VAV3: variants seen among roughly 807,000 people sequenced by gnomAD.
The protein encoded by VAV3 is guanine nucleotide exchange factor VAV3.
VAV3 carries 94 observed loss-of-function variants against 131.2 expected under a neutral mutation model. The ratio of observed to expected loss-of-function variants is 0.72; its 90% CI spans 0.61 to 0.85. The LOEUF is 0.85. VAV3 is among the 40% of genes least tolerant of loss of function. VAV3 has a pLI of 0.00. For synonymous variants in VAV3, 349 were observed against 342.0 expected (o/e 1.02, Z -0.22); for missense variants, 939 against 1,002.7 (o/e 0.94, Z 0.86).
intron 15 of VAV3, among the ~76,000 whole-genome samples, chr1:107,746,882 CTTT>C (rs11313509): frequency 2.1e-5 from 3 of 145,398 alleles, no homozygotes; most frequent in Admixed American, 1.4e-4. Flanking sequence ...TGTCAAATCT[CTTT>C]TTTTTTTTTT....
In VAV3 at chr1:107,772,735, G is replaced by A. The variant is rs150482374; in HGVS notation, c.555C>T (p.Pro185=). 309 of 1,610,146 alleles carry A rather than the reference G, an allele frequency of 1.9e-4. 2 individuals are homozygous for A. The highest frequency in any genetic ancestry group is 2.4e-4 in the Non-Finnish European group (278 of 1,177,554). ...CTTTAAAAACAAGTAAAAGTCCTAC[G>A]GGCTGATGTGCTTCCTCTGCCTTCA... The part of the protein sequence containing the change: ...DLMKAEEAHQ[P]KCPENDIRSC... The change falls in exon 5 of 27, where the codon CCC becomes CCT. Residue 185 remains proline (P), a splice_region_variant and synonymous_variant. Coordinates refer to ENST00000370056, the MANE Select transcript of VAV3 (RefSeq NM_006113.5).
At chr1:107,932,162 T>C (rs554145617) in intron 1 of VAV3, among the ~76,000 whole-genome samples, 72 of 152,338 alleles carry the variant, frequency 4.7e-4, no homozygotes, top group Admixed American at 7.2e-4. Flanking sequence ...CTTTATGTGC[T>C]GGTAATAATG....
At chr1:107,862,487 C>G (rs1669782745) in intron 2 of VAV3, among the ~76,000 whole-genome samples, 2 of 151,444 alleles carry the variant, frequency 1.3e-5, no homozygotes, top group Admixed American at 1.3e-4. Flanking sequence ...ATAGGAAATA[C>G]ACAGGCACAA....
chr1:107,867,344 T>A (rs1390027568), intron 2 of VAV3, among the ~76,000 whole-genome samples: 1 of 152,170 alleles, frequency 6.6e-6, no homozygotes, highest in Non-Finnish European at 1.5e-5. Flanking sequence ...AAAAAATGTG[T>A]TTGCATGGCT....
At chr1:107,877,488 G>T (rs1051220118) in intron 1 of VAV3, among the ~76,000 whole-genome samples, 2 of 152,000 alleles carry the variant, frequency 1.3e-5, no homozygotes, top group Non-Finnish European at 2.9e-5. Context: ...ATTCAGAAAA[G>T]CAAGTATTAT....
At chr1:107,595,027 GT>G (rs1053521876) in intron 25 of VAV3, among the ~76,000 whole-genome samples, 1 of 152,004 alleles carries the variant, frequency 6.6e-6, no homozygotes, top group Non-Finnish European at 1.5e-5. Context: ...TAGGAAAATT[GT>G]TTTTTTGGAG....
chr1:107,871,047 G>C (rs1248088468), intron 2 of VAV3, among the ~76,000 whole-genome samples: 1 of 152,160 alleles, frequency 6.6e-6, no homozygotes, highest in Non-Finnish European at 1.5e-5. Flanking sequence ...TTTCCAAAGA[G>C]TGAGTTAATC....
chr1:107,677,010 A>C (rs1658259592), intron 19 of VAV3, among the ~76,000 whole-genome samples: 1 of 152,192 alleles, frequency 6.6e-6, no homozygotes, highest in African/African-American at 2.4e-5. Flanking sequence ...AATGAGCCTC[A>C]AAGGAAAAAC....
intron 6 of VAV3, among the ~76,000 whole-genome samples, chr1:107,770,289 C>T (rs373941550): frequency 1.7e-4 from 26 of 152,258 alleles, no homozygotes; most frequent in African/African-American, 5.8e-4. Context: ...CCCTCCCCCC[C>T]CATCACTCTC....
intron 2 of VAV3, among the ~76,000 whole-genome samples, chr1:107,866,028 T>C (rs1317445547): frequency 6.6e-6 from 1 of 152,106 alleles, no homozygotes; most frequent in African/African-American, 2.4e-5. Flanking sequence ...GTGTGCTCAC[T>C]TCCCAAGGAT....
At chr1:107,584,954 TATC>T (rs1650366746) in intron 25 of VAV3, among the ~76,000 whole-genome samples, 1 of 152,226 alleles carries the variant, frequency 6.6e-6, no homozygotes, top group Non-Finnish European at 1.5e-5. Context: ...ACTGCTAAGA[TATC>T]ATAGGAGATA....
At chr1:107,929,287 CAAAAA>C (rs372843076) in intron 1 of VAV3, among the ~76,000 whole-genome samples, 84 of 92,516 alleles carry the variant, frequency 9.1e-4, no homozygotes, top group Non-Finnish European at 1.3e-3. Context: ...CACTCTGTCT[CAAAAA>C]AAAAAAAAAA....
intron 1 of VAV3, among the ~76,000 whole-genome samples, chr1:107,908,952 A>G (rs945730333): frequency 6.6e-6 from 1 of 152,136 alleles, no homozygotes; most frequent in African/African-American, 2.4e-5. Flanking sequence ...TACTTGCTAC[A>G]TAAGTACAAC....
At chr1:107,655,072 T>C (rs1355801005) in intron 19 of VAV3, among the ~76,000 whole-genome samples, 1 of 152,054 alleles carries the variant, frequency 6.6e-6, no homozygotes, top group East Asian at 1.9e-4. Flanking sequence ...GCCTCATTTC[T>C]CAACTAAAAC....
intron 24 of VAV3, among the ~76,000 whole-genome samples, chr1:107,598,428 G>T (rs1310328929): frequency 1.3e-5 from 2 of 152,070 alleles, no homozygotes; most frequent in African/African-American, 4.8e-5. Flanking sequence ...AATAGTTTTT[G>T]CTATGTGTTC....
intron 1 of VAV3, among the ~76,000 whole-genome samples, chr1:107,937,105 C>G (rs1460797386): frequency 6.6e-6 from 1 of 152,184 alleles, no homozygotes; most frequent in Non-Finnish European, 1.5e-5. Context: ...CCCAAAAAAA[C>G]AGCTCCATCA....
chr1:107,761,029 TA>T (rs780149965), intron 9 of VAV3, 150 bp from the exon 10 acceptor site: 1 of 508,542 alleles, frequency 2.0e-6, no homozygotes, highest in South Asian at 3.7e-5. Flanking sequence ...ATCTTCAATT[TA>T]AAAAAACAAA....
chr1:107,766,350 A>G, intron 8 of VAV3, 97 bp downstream of exon 8: 1 of 759,410 alleles, frequency 1.3e-6, no homozygotes, highest in African/African-American at 1.8e-5. Flanking sequence ...GTAGTAATGT[A>G]ATAAACAGCA....
Position 107,964,895 on chromosome 1 carries a change from G to A in VAV3, c.-26C>T. ...GCCCGACGGCTCCGGGACGCGGCTG[G>A]GCCGGGGCGGGCGGCAAGGATGCGG... On this transcript the variant is annotated 5_prime_UTR_variant, in exon 1 of 27. Coordinates refer to ENST00000370056, the MANE Select transcript of VAV3 (RefSeq NM_006113.5). 2.2e-6 allele frequency: 3 copies of A among 1,368,154 alleles called. No individual in the cohort carries two copies. Among genetic ancestry groups the A allele is most frequent in the Non-Finnish European group, 2.9e-6 (3 of 1,048,334 alleles). 84.8% of individuals were successfully genotyped at this position (1,368,154 alleles called of 1,614,324 possible).
Sources: allele counts gnomAD v4.1 joint callset (sites outside exome capture counted in the v4.1 genomes callset), GRCh38; gene constraint gnomAD v4.1.1; transcripts MANE v1.5; gene names NCBI Gene and HGNC (gene_info 2026-07-23, HGNC 2026-07-21).